SLC39A11: variants seen among roughly 807,000 people sequenced by gnomAD.
The protein encoded by SLC39A11 is zinc transporter ZIP11.
SLC39A11 carries 33 observed loss-of-function variants against 36.1 expected under a neutral mutation model. The observed-to-expected ratio is 0.91, with a 90% CI of 0.69 to 1.22. The LOEUF is 1.22. Ranked by LOEUF, SLC39A11 falls within the 50% of genes most tolerant of loss-of-function variation. The pLI, the probability that SLC39A11 is intolerant of heterozygous loss-of-function variation, is 0.00. For missense variants in SLC39A11, 432 were observed against 430.3 expected, an observed-to-expected ratio of 1.00 and a Z score of -0.03; for synonymous variants, 166 against 170.3, an observed-to-expected ratio of 0.97 and a Z score of 0.20.
intron 4 of SLC39A11, among the ~76,000 whole-genome samples, chr17:72,989,727 GAGA>G (rs1185303109): frequency 2.0e-5 from 3 of 152,132 alleles, no homozygotes; most frequent in Non-Finnish European, 4.4e-5. Flanking sequence ...CATTTGTTAA[GAGA>G]AGGTGATAAA....
At chr17:72,862,554 G>C (rs942565821) in intron 5 of SLC39A11, among the ~76,000 whole-genome samples, 1 of 152,118 alleles carries the variant, frequency 6.6e-6, no homozygotes, top group Non-Finnish European at 1.5e-5. Context: ...CACAAAGAAT[G>C]GCTTAGTTCC....
At chr17:72,860,990 T>G (rs1376529324) in intron 5 of SLC39A11, among the ~76,000 whole-genome samples, 4 of 152,130 alleles carry the variant, frequency 2.6e-5, no homozygotes, top group Non-Finnish European at 5.9e-5. Context: ...ATCTAGCACA[T>G]AACACGTACA....
In SLC39A11 at chr17:72,649,163, C is replaced by T. The variant is rs1186196926; in HGVS notation, c.770+7G>A. The stretch of plus-strand genomic sequence containing the variant: ...GTGACATGGCCTTGCCCTTGGGCAG[C>T]ACTCACCAGAAAGCTCTCCAGGTGG... On this transcript the variant is annotated splice_region_variant and intron_variant, in intron 8 of 9. Coordinates refer to ENST00000255559, the MANE Select transcript of SLC39A11 (RefSeq NM_139177.4). The T allele has an allele frequency of 6.2e-7, 1 of 1,611,858 alleles. No individual in the cohort carries two copies. The highest frequency in any genetic ancestry group is 1.3e-5 in the African/African-American group (1 of 74,854).
chr17:72,940,161 G>A (rs2085009919), intron 5 of SLC39A11, among the ~76,000 whole-genome samples: 1 of 152,150 alleles, frequency 6.6e-6, no homozygotes, highest in Non-Finnish European at 1.5e-5. Context: ...TGAGCCGACT[G>A]TTTCAGGTGA....
chr17:72,914,086 G>A (rs1338683089), intron 5 of SLC39A11, among the ~76,000 whole-genome samples: 2 of 151,890 alleles, frequency 1.3e-5, no homozygotes, highest in African/African-American at 2.4e-5. Context: ...AGGCCGAGGT[G>A]GGTGGATCAC....
chr17:72,695,420 C>A (rs1433715939), intron 7 of SLC39A11, among the ~76,000 whole-genome samples: 3 of 152,240 alleles, frequency 2.0e-5, no homozygotes, highest in Non-Finnish European at 4.4e-5. Flanking sequence ...CAGGGCGCTG[C>A]ACCCCCTGGG....
intron 7 of SLC39A11, among the ~76,000 whole-genome samples, chr17:72,701,840 C>T (rs1373023251): frequency 6.6e-6 from 1 of 151,652 alleles, no homozygotes; most frequent in Middle Eastern, 3.4e-3. Flanking sequence ...GTGGCTCACG[C>T]CTGTAATCTC....
chr17:72,784,641 A>G (rs920840213), intron 6 of SLC39A11, among the ~76,000 whole-genome samples: 3 of 151,950 alleles, frequency 2.0e-5, no homozygotes, highest in African/African-American at 7.3e-5. Context: ...CTGTGGTGAC[A>G]GTGAGTTCTC....
At chr17:73,072,866 T>C (rs1220404904) in intron 3 of SLC39A11, among the ~76,000 whole-genome samples, 1 of 152,230 alleles carries the variant, frequency 6.6e-6, no homozygotes, top group Non-Finnish European at 1.5e-5. Flanking sequence ...TGTTGGAAAC[T>C]GACCATCTGA....
At chr17:72,667,780 A>G (rs140520490) in intron 7 of SLC39A11, among the ~76,000 whole-genome samples, 1 of 152,378 alleles carries the variant, frequency 6.6e-6, no homozygotes, top group Non-Finnish European at 1.5e-5. Flanking sequence ...CCCAATGCTA[A>G]GCACTGTTCA....
chr17:73,085,111 T>C (rs2060680176), intron 2 of SLC39A11, among the ~76,000 whole-genome samples: 1 of 152,200 alleles, frequency 6.6e-6, no homozygotes, highest in Non-Finnish European at 1.5e-5. Context: ...CTTACTCAGC[T>C]TTCCCTGTGA....
chr17:72,896,947 G>A (rs2082059223), intron 5 of SLC39A11, among the ~76,000 whole-genome samples: 1 of 150,438 alleles, frequency 6.6e-6, no homozygotes, highest in Non-Finnish European at 1.5e-5. Flanking sequence ...CAGCTACTCG[G>A]GAGGCTGAGG....
intron 7 of SLC39A11, among the ~76,000 whole-genome samples, chr17:72,710,339 T>C (rs112736638): frequency 2.0e-5 from 3 of 152,256 alleles, no homozygotes; most frequent in African/African-American, 4.8e-5. Context: ...TGAATGTGTA[T>C]GTCCCTCCAA....
At chr17:72,663,587 G>A (rs1351778639) in intron 7 of SLC39A11, among the ~76,000 whole-genome samples, 1 of 152,166 alleles carries the variant, frequency 6.6e-6, no homozygotes, top group Non-Finnish European at 1.5e-5. Flanking sequence ...TATATAGATA[G>A]TTGAGGCAGC....
At position 72,763,843 on chromosome 17, in the gene SLC39A11, A is replaced by C. The variant is rs565594287; in HGVS notation, c.602-27124T>G. Among the ~76,000 whole-genome samples the C allele has an allele frequency of 2.7e-3, 407 of 152,252 alleles. 1 individual carries two copies. The highest frequency in any genetic ancestry group is 4.3e-3 in the Non-Finnish European group (292 of 68,012). ...ATGGAAAAACTGAGTTTTGACTTGG[A>C]GCTTAAAGAAATTTTCCAGCACATG... On this transcript the variant is annotated intron_variant, in intron 6 of 9. Transcript: ENST00000255559.
intron 5 of SLC39A11, among the ~76,000 whole-genome samples, chr17:72,864,309 C>CTT (rs36113238): frequency 3.2e-4 from 44 of 138,302 alleles, no homozygotes; most frequent in African/African-American, 9.8e-4. Context: ...TAAGCATCGG[C>CTT]TTTTTTTTTT....
chr17:72,995,742 T>C (rs1393885062), intron 4 of SLC39A11, among the ~76,000 whole-genome samples: 2 of 152,206 alleles, frequency 1.3e-5, no homozygotes, highest in South Asian at 2.1e-4. Context: ...CCCAAGATTT[T>C]CCAGCCTTCC....
chr17:72,841,026 G>A (rs1176234009), intron 6 of SLC39A11, among the ~76,000 whole-genome samples: 5 of 152,126 alleles, frequency 3.3e-5, no homozygotes, highest in African/African-American at 1.2e-4. Context: ...CTGCACTCCA[G>A]CCTGAGTGAC....
chr17:72,654,752 C>T (rs4302092), intron 7 of SLC39A11, among the ~76,000 whole-genome samples: 24,244 of 152,226 alleles, frequency 0.16, 2,126 homozygotes, highest in Admixed American at 0.21. Flanking sequence ...GCTCTCAGTC[C>T]GCTGCCATTG....
Sources: allele counts gnomAD v4.1 joint callset (sites outside exome capture counted in the v4.1 genomes callset), GRCh38; gene constraint gnomAD v4.1.1; transcripts MANE v1.5; gene names NCBI Gene and HGNC (gene_info 2026-07-23, HGNC 2026-07-21).